NAALADL2: variants seen among roughly 807,000 people sequenced by gnomAD.
The protein encoded by NAALADL2 is N-acetylated alpha-linked acidic dipeptidase like 2.
NAALADL2 carries 76 observed loss-of-function variants against 87.2 expected under a neutral mutation model. That is an observed-to-expected ratio of 0.87 (90% CI 0.72 to 1.05). The LOEUF is 1.05. Among genes scored for constraint, NAALADL2 ranks in the 50% least tolerant of loss-of-function variants. NAALADL2 has a pLI of 0.00. For synonymous variants in NAALADL2, 354 were observed against 331.0 expected (o/e 1.07, Z -0.75); for missense variants, 1,089 against 945.8 (o/e 1.15, Z -1.99).
At chr3:175,793,467 GC>G (rs1281139177) in intron 13 of NAALADL2, among the ~76,000 whole-genome samples, 3 of 150,902 alleles carry the variant, frequency 2.0e-5, no homozygotes, top group African/African-American at 7.3e-5. Flanking sequence ...CCGCCACCGC[GC>G]CCGGCTAATT....
chr3:174,938,826 A>G (rs1337273832), intron 1 of NAALADL2, among the ~76,000 whole-genome samples: 5 of 152,074 alleles, frequency 3.3e-5, no homozygotes, highest in East Asian at 1.9e-4. Flanking sequence ...CTTCTTTTAC[A>G]AAGTATCTGT....
chr3:175,271,345 T>G (rs1394189407), intron 4 of NAALADL2, among the ~76,000 whole-genome samples: 1 of 152,280 alleles, frequency 6.6e-6, no homozygotes, highest in Admixed American at 6.5e-5. Context: ...ATTGATGGAT[T>G]AGGAAAACGT....
At chr3:175,569,173 A>G (rs528245541) in intron 9 of NAALADL2, among the ~76,000 whole-genome samples, 4 of 152,154 alleles carry the variant, frequency 2.6e-5, no homozygotes, top group African/African-American at 9.7e-5. Context: ...TTTCACGTGT[A>G]ATGATTTATC....
chr3:175,590,781 G>A (rs1207593164), intron 10 of NAALADL2, among the ~76,000 whole-genome samples: 1 of 152,168 alleles, frequency 6.6e-6, no homozygotes, highest in East Asian at 1.9e-4. Flanking sequence ...CGAAAAGGGT[G>A]GGAGAGAGGA....
intron 1 of NAALADL2, among the ~76,000 whole-genome samples, chr3:174,531,483 A>C (rs1721236020): frequency 1.3e-5 from 2 of 152,134 alleles, no homozygotes; most frequent in African/African-American, 4.8e-5. Context: ...TTTAAAACTA[A>C]ATTTGAATAA....
chr3:175,276,272 T>C (rs932592191), intron 4 of NAALADL2, among the ~76,000 whole-genome samples: 4 of 151,196 alleles, frequency 2.6e-5, no homozygotes, highest in Non-Finnish European at 5.9e-5. Context: ...ATTCTTGCCC[T>C]AAAAAGGTTT....
At chr3:175,751,634 T>A (rs989956725) in intron 12 of NAALADL2, among the ~76,000 whole-genome samples, 1 of 152,134 alleles carries the variant, frequency 6.6e-6, no homozygotes. Context: ...CATACTGTAA[T>A]CTATCTTTTG....
At position 175,778,309 on chromosome 3, in the gene NAALADL2, G is replaced by A. The variant is rs187774952; in HGVS notation, c.2189+22891G>A. ...AGAGTAGTTACAGAAAAGGGAATGG[G>A]TGGCATTTTCAATTAGTTAATGGCG... On this transcript the variant is annotated intron_variant, in intron 13 of 13. Coordinates refer to ENST00000454872, the MANE Select transcript of NAALADL2 (RefSeq NM_207015.3). 2.7e-3 allele frequency among the ~76,000 whole-genome samples: 412 copies of A among 152,288 alleles called. 7 individuals are homozygous for A. The highest frequency in any genetic ancestry group is 0.014 in the Middle Eastern group (4 of 294).
At chr3:175,597,751 A>C (rs1722434507) in intron 10 of NAALADL2, among the ~76,000 whole-genome samples, 1 of 151,996 alleles carries the variant, frequency 6.6e-6, no homozygotes, top group Admixed American at 6.6e-5. Context: ...GATATTGCTA[A>C]ATCCCCCTCT....
At chr3:174,904,426 C>T (rs972961342) in intron 1 of NAALADL2, among the ~76,000 whole-genome samples, 1 of 151,822 alleles carries the variant, frequency 6.6e-6, no homozygotes, top group African/African-American at 2.4e-5. Flanking sequence ...TGGCATTCTA[C>T]GATTTGGCAT....
chr3:174,778,203 C>T (rs553550393), intron 3 of NAALADL2, among the ~76,000 whole-genome samples: 1 of 152,092 alleles, frequency 6.6e-6, no homozygotes, highest in East Asian at 1.9e-4. Flanking sequence ...TTTAAGTGTC[C>T]ATAATAAGGG....
At chr3:175,388,654 C>G (rs902921549) in intron 5 of NAALADL2, among the ~76,000 whole-genome samples, 6 of 151,998 alleles carry the variant, frequency 3.9e-5, no homozygotes, top group African/African-American at 1.4e-4. Context: ...CAGTGAATTC[C>G]TTTTTAAACA....
intron 4 of NAALADL2, among the ~76,000 whole-genome samples, chr3:175,320,922 T>A (rs1294037895): frequency 2.0e-5 from 3 of 149,850 alleles, no homozygotes; most frequent in African/African-American, 7.4e-5. Context: ...GAGGAACTGG[T>A]ACCATTCCTT....
chr3:174,763,230 A>G (rs1248804414), intron 3 of NAALADL2, among the ~76,000 whole-genome samples: 1 of 152,192 alleles, frequency 6.6e-6, no homozygotes, highest in African/African-American at 2.4e-5. Flanking sequence ...TCAGAGTGAT[A>G]TATGAATATA....
intron 11 of NAALADL2, among the ~76,000 whole-genome samples, chr3:175,683,251 C>T (rs553844616): frequency 6.6e-6 from 1 of 151,954 alleles, no homozygotes; most frequent in Non-Finnish European, 1.5e-5. Flanking sequence ...ATTAATTCTT[C>T]CCATTTTGTG....
chr3:174,441,783 T>TC (rs1326453414), intron 1 of NAALADL2, among the ~76,000 whole-genome samples: 23 of 151,886 alleles, frequency 1.5e-4, no homozygotes, highest in African/African-American at 5.3e-4. Context: ...TGTGTTCTTT[T>TC]CCCCCTCACT....
rs77117929 is a variant in NAALADL2, at chr3:175,286,496, A to C, written c.939+29966A>C. Among the ~76,000 whole-genome samples the C allele has an allele frequency of 1.9e-3, 286 of 152,250 alleles. 1 individual carries two copies. The highest frequency in any genetic ancestry group is 6.4e-3 in the African/African-American group (267 of 41,548). On this transcript the variant is annotated intron_variant, in intron 4 of 13. Coordinates refer to ENST00000454872, the MANE Select transcript of NAALADL2 (RefSeq NM_207015.3). Reference sequence around the variant, plus strand: ...ACTCAGCAGACCTGGAGCTTTAAAAACTTTCAAATTTCCAAGATCCAAAAT... The same window carrying C: ...ACTCAGCAGACCTGGAGCTTTAAAACCTTTCAAATTTCCAAGATCCAAAAT...
intron 3 of NAALADL2, among the ~76,000 whole-genome samples, chr3:174,823,105 G>C (rs1445994285): frequency 1.3e-5 from 2 of 152,080 alleles, no homozygotes; most frequent in African/African-American, 4.8e-5. Context: ...TTGTAGATAC[G>C]TGCTTTTGGA....
chr3:175,629,952 T>A (rs997704432), intron 11 of NAALADL2, among the ~76,000 whole-genome samples: 2 of 151,742 alleles, frequency 1.3e-5, no homozygotes, highest in African/African-American at 2.4e-5. Context: ...TATTAACCCA[T>A]TAAGTGGATG....
Sources: gnomAD v4.1 joint callset for allele counts (sites outside exome capture counted in the v4.1 genomes callset) on GRCh38, gnomAD v4.1.1 for gene constraint, MANE v1.5 for transcripts, NCBI Gene and HGNC (gene_info 2026-07-23, HGNC 2026-07-21) for gene names.